Variants in DIP2B observed in about 807,000 individuals in gnomAD.
The protein encoded by DIP2B is DIP2 acetate--CoA ligase B (putative).
Under a neutral mutation model 198.0 loss-of-function variants are expected in DIP2B, and 76 were observed. That is an observed-to-expected ratio of 0.38 (90% CI 0.32 to 0.46). DIP2B has a LOEUF of 0.46. Among genes scored for constraint, DIP2B ranks in the 20% least tolerant of loss-of-function variants. The probability of loss-of-function intolerance (pLI) is 0.99; values close to 1 mark genes in which losing one functional copy is unlikely to be tolerated. For synonymous variants in DIP2B, 701 were observed against 739.1 expected, an observed-to-expected ratio of 0.95 and a Z score of 0.84; for missense variants, 1,559 against 1,978.4, an observed-to-expected ratio of 0.79 and a Z score of 4.02.
At position 50,745,021 on chromosome 12, in the gene DIP2B, GA is replaced by G. The variant is rs897376011; in HGVS notation, c.*189del. The G allele has an allele frequency of 6.9e-5, 52 of 758,078 alleles. No homozygotes were observed. In the African/African-American group the frequency reaches 7.9e-4, roughly 12 times the overall value. 47.0% of individuals were successfully genotyped at this position (758,078 alleles called of 1,614,324 possible). A position where few individuals can be genotyped will look rare whatever the true frequency, so the allele number is the denominator to read the frequency against. ...AAAGGGGAATTCTGTGATGGCAAAT[GA>G]AAAAAATGTTAACATTTGGTAGACA... On this transcript the variant is annotated 3_prime_UTR_variant, in exon 38 of 38. Coordinates refer to ENST00000301180, the MANE Select transcript of DIP2B (RefSeq NM_173602.3).
intron 1 of DIP2B, among the ~76,000 whole-genome samples, chr12:50,556,482 C>T (rs1199962563): frequency 6.6e-6 from 1 of 151,844 alleles, no homozygotes; most frequent in Non-Finnish European, 1.5e-5. Context: ...ATAAATATTA[C>T]TAATAGTAAA....
At position 50,505,089 on chromosome 12, in the gene DIP2B, C is replaced by A; in HGVS notation, c.-52C>A. 6.7e-7 allele frequency: 1 copy of A among 1,492,696 alleles called. No homozygotes were observed. The highest frequency in any genetic ancestry group is 9.0e-7 in the Non-Finnish European group (1 of 1,112,158). The allele number at this position is 1,492,696 out of a possible 1,614,324, so 92.5% of individuals were successfully genotyped here. ...CGGGTGTGGGCCCGTGTCTGTCCGT[C>A]CCTCCTTCGGCCCCCTCTCTTGTCT... On this transcript the variant is annotated 5_prime_UTR_variant, in exon 1 of 38. Transcript: ENST00000301180.
At position 50,559,230 on chromosome 12, in the gene DIP2B, CATTTT is replaced by C. The variant is rs1450353265; in HGVS notation, c.100+53996_100+54000del. The stretch of plus-strand genomic sequence containing the variant: ...GTACATCACTAAGGCCTTTGGGTGA[CATTTT>C]ATTTTTCCTTTTCTTTCTTCTCCTG... On this transcript the variant is annotated intron_variant, in intron 1 of 37. Coordinates refer to ENST00000301180, the MANE Select transcript of DIP2B (RefSeq NM_173602.3). Among the ~76,000 whole-genome samples the C allele has an allele frequency of 2.0e-5, 3 of 151,548 alleles. No homozygotes were observed. In the East Asian group the frequency reaches 5.9e-4, roughly 30 times the overall value.
At chr12:50,586,936 A>T (rs1192760983) in intron 1 of DIP2B, among the ~76,000 whole-genome samples, 1 of 152,178 alleles carries the variant, frequency 6.6e-6, no homozygotes, top group Admixed American at 6.5e-5. Flanking sequence ...ATATGAAAAC[A>T]TGTTTTTGCT....
chr12:50,585,952 C>A (rs1340906906), intron 1 of DIP2B, among the ~76,000 whole-genome samples: 2 of 152,190 alleles, frequency 1.3e-5, no homozygotes, highest in African/African-American at 4.8e-5. Context: ...CACTGGAGTT[C>A]TTGATACCTA....
rs146613951 is a variant in DIP2B at position 50,623,529 on chromosome 12, GCACA to G, written c.101-2431_101-2428del. Among the ~76,000 whole-genome samples, 9 of 104,572 alleles carry G rather than the reference GCACA, an allele frequency of 8.6e-5. No homozygotes were observed. In the East Asian group the frequency reaches 1.2e-3, roughly 14 times the overall value. 68.6% of individuals were successfully genotyped at this position (104,572 alleles called of 152,430 possible). ...CTTCCAGACACACACACACACACAC[GCACA>G]CACACACACACACACTCTCACTCAC... On this transcript the variant is annotated intron_variant, in intron 1 of 37. Transcript: ENST00000301180.
intron 1 of DIP2B, among the ~76,000 whole-genome samples, chr12:50,549,859 T>G (rs542616363): frequency 1.8e-4 from 28 of 152,158 alleles, no homozygotes; most frequent in Non-Finnish European, 3.4e-4. Flanking sequence ...TTCTGTTAAA[T>G]TTTTTGTTTT....
At chr12:50,740,136 C>G (rs1159120317) in intron 36 of DIP2B, among the ~76,000 whole-genome samples, 1 of 152,252 alleles carries the variant, frequency 6.6e-6, no homozygotes, top group Non-Finnish European at 1.5e-5. Context: ...ATCACTCTTT[C>G]TTCCAGACTG....
At chr12:50,648,062 C>T (rs948144842) in intron 3 of DIP2B, among the ~76,000 whole-genome samples, 7 of 152,014 alleles carry the variant, frequency 4.6e-5, no homozygotes, top group Non-Finnish European at 7.4e-5. Context: ...GCCAACATCG[C>T]GCCACTGCAC....
At chr12:50,588,600 C>T (rs1446192793) in intron 1 of DIP2B, among the ~76,000 whole-genome samples, 2 of 152,146 alleles carry the variant, frequency 1.3e-5, no homozygotes, top group Admixed American at 6.5e-5. Context: ...AATGAGATAC[C>T]TTTCTCTCCC....
chr12:50,732,516 A>G lies in DIP2B; in HGVS notation c.3961A>G (p.Asn1321Asp), dbSNP rs1460829712. ...AVSTTFGSRVNVAICLQGTSG... is the reference protein window; with the variant it reads ...AVSTTFGSRVDVAICLQGTSG... ...CAGCACCACTTTTGGATCAAGAGTC[A>G]ATGTAGCAATATGTTTACAGGTGAC... The change falls in exon 32 of 38, where the codon AAT (asparagine) becomes GAT (aspartate). Residue 1321 changes from asparagine to aspartate, a missense_variant. Transcript: ENST00000301180. 15 of 1,614,216 alleles carry G rather than the reference A, an allele frequency of 9.3e-6. No individual in the cohort carries two copies. Among genetic ancestry groups the G allele is most frequent in the Non-Finnish European group, 1.3e-5 (15 of 1,180,032 alleles).
At chr12:50,592,667 G>A (rs915728181) in intron 1 of DIP2B, among the ~76,000 whole-genome samples, 1 of 151,792 alleles carries the variant, frequency 6.6e-6, no homozygotes, top group African/African-American at 2.4e-5. Flanking sequence ...TAGTAGAGAT[G>A]GGGTTTCACC....
intron 1 of DIP2B, among the ~76,000 whole-genome samples, chr12:50,584,964 C>T (rs1958758098): frequency 6.6e-6 from 1 of 152,188 alleles, no homozygotes; most frequent in Admixed American, 6.5e-5. Context: ...CCTGCTTCTC[C>T]TGCTTCGTTT....
At chr12:50,593,264 T>C (rs1217957107) in intron 1 of DIP2B, among the ~76,000 whole-genome samples, 1 of 152,154 alleles carries the variant, frequency 6.6e-6, no homozygotes, top group Admixed American at 6.5e-5. Context: ...CCCAGCACTT[T>C]GGGAGGCCAA....
At chr12:50,663,267 T>C (rs943625819) in intron 4 of DIP2B, among the ~76,000 whole-genome samples, 33 of 148,898 alleles carry the variant, frequency 2.2e-4, no homozygotes, top group African/African-American at 8.3e-4. Context: ...CTACTAAAAA[T>C]ACAAAAAATT....
intron 1 of DIP2B, among the ~76,000 whole-genome samples, chr12:50,552,160 T>C (rs535664172): frequency 6.6e-6 from 1 of 152,208 alleles, no homozygotes; most frequent in South Asian, 2.1e-4. Flanking sequence ...ATGAATGATG[T>C]TGAGCATCTT....
intron 16 of DIP2B, 49 bp downstream of exon 16, chr12:50,696,016 AT>A: frequency 6.2e-7 from 1 of 1,611,098 alleles, no homozygotes; most frequent in Non-Finnish European, 8.5e-7. Flanking sequence ...GTTTTGATAG[AT>A]TAGGGTTTTT....
intron 5 of DIP2B, among the ~76,000 whole-genome samples, chr12:50,671,926 AC>A (rs1412909452): frequency 6.6e-6 from 1 of 152,218 alleles, no homozygotes; most frequent in African/African-American, 2.4e-5. Context: ...TGCTATCGAT[AC>A]ACTGCAGATG....
At chr12:50,531,085 G>A (rs1958212769) in intron 1 of DIP2B, among the ~76,000 whole-genome samples, 1 of 152,122 alleles carries the variant, frequency 6.6e-6, no homozygotes, top group African/African-American at 2.4e-5. Flanking sequence ...TCGCTCTGTC[G>A]CCCAGGCTGG....
Sources: allele counts gnomAD v4.1 joint callset (sites outside exome capture counted in the v4.1 genomes callset), GRCh38; gene constraint gnomAD v4.1.1; transcripts MANE v1.5; gene names NCBI Gene and HGNC (gene_info 2026-07-23, HGNC 2026-07-21).